DCC: variants seen among roughly 807,000 people sequenced by gnomAD.
DCC encodes the protein DCC netrin 1 receptor, also known as netrin receptor DCC.
In DCC, 58 loss-of-function variants were observed where a neutral mutation model predicts 172.5. The observed-to-expected ratio is 0.34, with a 90% CI of 0.27 to 0.42. The LOEUF (loss-of-function observed/expected upper bound fraction) is 0.42, where lower values mean the gene tolerates loss of function less well. Among genes scored for constraint, DCC ranks in the 10% least tolerant of loss-of-function variants. The pLI, the probability that DCC is intolerant of heterozygous loss-of-function variation, is 1.00. For synonymous variants in DCC, 709 were observed against 644.5 expected (o/e 1.10, Z -1.52); for missense variants, 1,740 against 1,791.0 (o/e 0.97, Z 0.51).
intron 1 of DCC, among the ~76,000 whole-genome samples, chr18:52,477,378 G>A (rs114991157): frequency 0.035 from 5,286 of 152,186 alleles, 126 homozygotes; most frequent in Middle Eastern, 0.071. Flanking sequence ...AGGTAGCATC[G>A]TTTTATTCTT....
intron 1 of DCC, among the ~76,000 whole-genome samples, chr18:52,457,683 C>A (rs760004865): frequency 6.6e-6 from 1 of 152,100 alleles, no homozygotes; most frequent in Non-Finnish European, 1.5e-5. Context: ...AGAAATTGAA[C>A]AAATATTTTT....
In DCC at chr18:52,380,823, G is replaced by A. The variant is rs115356340; in HGVS notation, c.91+39945G>A. On this transcript the variant is annotated intron_variant, in intron 1 of 28. Transcript: ENST00000442544. ...GGTTCTGTCTGTTCTTTCTCACCTG[G>A]CCATATGGGGCTGGCCATTGTAGCA... is the stretch of plus-strand genomic sequence containing the variant. Among the ~76,000 whole-genome samples, 1,381 of 152,116 alleles carry A rather than the reference G, an allele frequency of 9.1e-3. 19 individuals carry two copies. The highest frequency in any genetic ancestry group is 0.031 in the African/African-American group (1,298 of 41,514).
intron 7 of DCC, among the ~76,000 whole-genome samples, chr18:53,136,976 T>A (rs1195595162): frequency 6.6e-6 from 1 of 152,222 alleles, no homozygotes; most frequent in African/African-American, 2.4e-5. Context: ...AAAGGGCCAT[T>A]CGGAAGACAT....
At chr18:53,472,737 C>G (rs2045713264) in intron 25 of DCC, among the ~76,000 whole-genome samples, 2 of 152,138 alleles carry the variant, frequency 1.3e-5, no homozygotes, top group Admixed American at 6.6e-5. Flanking sequence ...GCTCTAGCAT[C>G]TTCCAGACTC....
intron 1 of DCC, among the ~76,000 whole-genome samples, chr18:52,583,366 G>T (rs981779891): frequency 6.6e-6 from 1 of 152,254 alleles, no homozygotes; most frequent in Admixed American, 6.5e-5. Flanking sequence ...TTAAAATCAA[G>T]AATTCTTTGA....
intron 2 of DCC, among the ~76,000 whole-genome samples, chr18:52,891,918 C>T (rs1285133016): frequency 1.3e-5 from 2 of 152,140 alleles, no homozygotes; most frequent in Non-Finnish European, 2.9e-5. Context: ...CTCTATACAG[C>T]AGCCAGAATG....
At chr18:52,628,930 C>G (rs919562971) in intron 1 of DCC, among the ~76,000 whole-genome samples, 2 of 152,130 alleles carry the variant, frequency 1.3e-5, no homozygotes, top group Non-Finnish European at 2.9e-5. Flanking sequence ...GATGACACAC[C>G]GGCAATCTTT....
intron 1 of DCC, among the ~76,000 whole-genome samples, chr18:52,597,989 C>T (rs1208578632): frequency 6.6e-6 from 1 of 152,174 alleles, no homozygotes; most frequent in East Asian, 1.9e-4. Context: ...TGAATTTTTA[C>T]ATCTGCCCCT....
intron 1 of DCC, among the ~76,000 whole-genome samples, chr18:52,664,476 C>CTTTTTTTTT (rs374796439): frequency 8.9e-5 from 10 of 112,440 alleles, no homozygotes; most frequent in East Asian, 5.3e-4. Context: ...TTTTCTTTTT[C>CTTTTTTTTT]TTTTTTTTTT....
At chr18:52,376,281 T>C (rs1057037916) in intron 1 of DCC, among the ~76,000 whole-genome samples, 5 of 152,098 alleles carry the variant, frequency 3.3e-5, no homozygotes, top group Non-Finnish European at 5.9e-5. Context: ...GTGCAGAAAA[T>C]AGCACTTTGG....
chr18:52,870,178 T>C (rs539397309), intron 2 of DCC, among the ~76,000 whole-genome samples: 156 of 152,220 alleles, frequency 1.0e-3, no homozygotes, highest in African/African-American at 3.1e-3. Context: ...GCCTCCTCCT[T>C]GCACACTCCC....
At chr18:53,179,609 T>G (rs2055164510) in intron 9 of DCC, among the ~76,000 whole-genome samples, 2 of 152,174 alleles carry the variant, frequency 1.3e-5, no homozygotes, top group Admixed American at 1.3e-4. Flanking sequence ...AGAGATAACC[T>G]CTATTGGATA....
intron 8 of DCC, among the ~76,000 whole-genome samples, chr18:53,171,025 C>G (rs1365099602): frequency 6.6e-6 from 1 of 152,126 alleles, no homozygotes; most frequent in Admixed American, 6.6e-5. Context: ...GCTAGAATTA[C>G]AGGCTCATGC....
chr18:53,387,110 T>C (rs1377335900), intron 16 of DCC, among the ~76,000 whole-genome samples: 1 of 152,192 alleles, frequency 6.6e-6, no homozygotes, highest in African/African-American at 2.4e-5. Context: ...GAGATGTTAC[T>C]GATGTTTGAA....
intron 5 of DCC, among the ~76,000 whole-genome samples, chr18:52,970,472 T>C (rs2041012303): frequency 6.6e-6 from 1 of 152,120 alleles, no homozygotes; most frequent in Admixed American, 6.6e-5. Context: ...TCTAAGTATG[T>C]ATATATATCA....
At chr18:52,400,798 A>C (rs545808234) in intron 1 of DCC, among the ~76,000 whole-genome samples, 1 of 152,064 alleles carries the variant, frequency 6.6e-6, no homozygotes, top group Non-Finnish European at 1.5e-5. Context: ...TTGCAGGGAC[A>C]TGGATGAAGC....
At chr18:52,417,355 G>A (rs897204362) in intron 1 of DCC, among the ~76,000 whole-genome samples, 1 of 152,058 alleles carries the variant, frequency 6.6e-6, no homozygotes, top group Non-Finnish European at 1.5e-5. Context: ...GTGTCTTGGA[G>A]TTGCTCTTCT....
chr18:53,431,641 T>A (rs1433096240), intron 21 of DCC, among the ~76,000 whole-genome samples: 1 of 152,022 alleles, frequency 6.6e-6, no homozygotes, highest in Non-Finnish European at 1.5e-5. Flanking sequence ...TGCGCCACCG[T>A]GCTCTGCTAA....
intron 9 of DCC, among the ~76,000 whole-genome samples, chr18:53,193,724 A>T (rs769053149): frequency 6.6e-6 from 1 of 152,160 alleles, no homozygotes; most frequent in African/African-American, 2.4e-5. Flanking sequence ...ATAGAGTGCT[A>T]AATTTCTTCT....
Sources: gnomAD v4.1 joint callset for allele counts (sites outside exome capture counted in the v4.1 genomes callset) on GRCh38, gnomAD v4.1.1 for gene constraint, MANE v1.5 for transcripts, NCBI Gene and HGNC (gene_info 2026-07-23, HGNC 2026-07-21) for gene names.